Variants in LDAH observed in about 807,000 individuals in gnomAD.
LDAH encodes lipid droplet associated hydrolase.
A neutral mutation model predicts 29.6 loss-of-function variants in LDAH; 26 were observed. That is an observed-to-expected ratio of 0.88 (90% confidence interval 0.64 to 1.22). LDAH has a LOEUF of 1.22. Ranked by LOEUF, LDAH falls within the 50% of genes most tolerant of loss-of-function variation. The probability of loss-of-function intolerance (pLI) is 0.00; values close to 1 mark genes in which losing one functional copy is unlikely to be tolerated. For missense variants in LDAH, 344 were observed against 387.3 expected (o/e 0.89, Z 0.94); for synonymous variants, 117 against 133.0 (o/e 0.88, Z 0.83).
At chr2:20,705,525 G>A (rs1300831669) in intron 5 of LDAH, among the ~76,000 whole-genome samples, 2 of 152,078 alleles carry the variant, frequency 1.3e-5, no homozygotes, top group African/African-American at 2.4e-5. Context: ...CCTACTAGTA[G>A]GGTATTGGCT....
intron 5 of LDAH, among the ~76,000 whole-genome samples, chr2:20,714,936 C>T (rs577352780): frequency 1.1e-3 from 172 of 152,196 alleles, no homozygotes; most frequent in African/African-American, 3.4e-3. Flanking sequence ...GATTCATAGC[C>T]GAATTCTACC....
chr2:20,821,709 T>C (rs978206491), intron 1 of LDAH, among the ~76,000 whole-genome samples: 2 of 152,132 alleles, frequency 1.3e-5, no homozygotes, highest in South Asian at 2.1e-4. Context: ...GGCACATGTA[T>C]ACATATGTAA....
At chr2:20,706,585 C>A (rs1187092647) in intron 5 of LDAH, among the ~76,000 whole-genome samples, 2 of 151,914 alleles carry the variant, frequency 1.3e-5, no homozygotes, top group Non-Finnish European at 1.5e-5. Flanking sequence ...GTTATTGGTT[C>A]CCAAAAATCT....
At chr2:20,778,969 A>AAT (rs1322531220) in intron 3 of LDAH, among the ~76,000 whole-genome samples, 1 of 151,868 alleles carries the variant, frequency 6.6e-6, no homozygotes, top group Non-Finnish European at 1.5e-5. Flanking sequence ...TAAATGTATA[A>AAT]GTTCAACTAT....
intron 5 of LDAH, among the ~76,000 whole-genome samples, chr2:20,732,117 T>C (rs1387127485): frequency 2.6e-5 from 4 of 152,162 alleles, no homozygotes; most frequent in Non-Finnish European, 5.9e-5. Flanking sequence ...TATTTTTTTT[T>C]CCCTGCATCG....
chr2:20,695,863 G>A (rs1663427153), intron 6 of LDAH, among the ~76,000 whole-genome samples: 1 of 152,192 alleles, frequency 6.6e-6, no homozygotes, highest in African/African-American at 2.4e-5. Context: ...AGGAGGCACA[G>A]TGAGGTCCGG....
At chr2:20,807,473 C>T (rs565291403) in intron 1 of LDAH, among the ~76,000 whole-genome samples, 1 of 152,040 alleles carries the variant, frequency 6.6e-6, no homozygotes, top group African/African-American at 2.4e-5. Flanking sequence ...AAATCTAGTG[C>T]TATACAAAAG....
chr2:20,815,332 T>C (rs993431905), intron 1 of LDAH, among the ~76,000 whole-genome samples: 8 of 151,638 alleles, frequency 5.3e-5, no homozygotes, highest in Admixed American at 1.3e-4. Context: ...CAATCAGAGT[T>C]TTAGAGGAAG....
intron 3 of LDAH, among the ~76,000 whole-genome samples, chr2:20,781,914 A>G (rs1670219610): frequency 6.6e-6 from 1 of 152,236 alleles, no homozygotes; most frequent in Non-Finnish European, 1.5e-5. Context: ...TTACTAAGTT[A>G]TTAACTCAAT....
intron 4 of LDAH, 70 bp downstream of exon 4, chr2:20,774,740 A>G (rs1669673656): frequency 1.4e-6 from 2 of 1,454,132 alleles, no homozygotes; most frequent in African/African-American, 1.4e-5. Flanking sequence ...AAAAGAACAT[A>G]GGAAAGGTGA....
intron 4 of LDAH, 93 bp downstream of exon 4, chr2:20,774,717 C>G: frequency 7.9e-7 from 1 of 1,272,212 alleles, no homozygotes; most frequent in East Asian, 2.3e-5. Context: ...TATTTATCAA[C>G]TGAACAAGAG....
chr2:20,819,874 C>G (rs953255579), intron 1 of LDAH, among the ~76,000 whole-genome samples: 1 of 152,226 alleles, frequency 6.6e-6, no homozygotes, highest in Admixed American at 6.5e-5. Flanking sequence ...CCCATCGTCT[C>G]AGCCCAAAAT....
At chr2:20,765,461 A>C (rs752948126) in intron 4 of LDAH, among the ~76,000 whole-genome samples, 4 of 152,240 alleles carry the variant, frequency 2.6e-5, no homozygotes, top group Non-Finnish European at 5.9e-5. Context: ...CATTTGTTAC[A>C]TTCAACCCTG....
chr2:20,738,744 GA>G (rs2149439522), intron 5 of LDAH, among the ~76,000 whole-genome samples: 1 of 128,818 alleles, frequency 7.8e-6, no homozygotes, highest in East Asian at 2.5e-4. Context: ...AAATTGGAGG[GA>G]AAATGGAAGG....
At chr2:20,699,918 C>T (rs928637867) in intron 6 of LDAH, among the ~76,000 whole-genome samples, 1 of 152,206 alleles carries the variant, frequency 6.6e-6, no homozygotes, top group Non-Finnish European at 1.5e-5. Context: ...GCACAACACA[C>T]AAGCTGAATC....
chr2:20,735,991 A>G (rs1289832140), intron 5 of LDAH, among the ~76,000 whole-genome samples: 1 of 152,024 alleles, frequency 6.6e-6, no homozygotes, highest in Non-Finnish European at 1.5e-5. Context: ...CTCTCTACTC[A>G]GCCTCTTCTG....
intron 4 of LDAH, among the ~76,000 whole-genome samples, chr2:20,762,872 C>T (rs1039970728): frequency 3.3e-5 from 5 of 152,162 alleles, no homozygotes; most frequent in African/African-American, 7.2e-5. Context: ...TACAATGCCA[C>T]GTAAACAACT....
chr2:20,800,617 ATTT>A (rs1211391236), intron 2 of LDAH, among the ~76,000 whole-genome samples: 1 of 135,660 alleles, frequency 7.4e-6, no homozygotes, highest in Non-Finnish European at 1.6e-5. Flanking sequence ...TTTAATTTTT[ATTT>A]TTTTATTTTT....
intron 5 of LDAH, among the ~76,000 whole-genome samples, chr2:20,702,802 TTG>T (rs1243595535): frequency 6.6e-6 from 1 of 152,328 alleles, no homozygotes; most frequent in Admixed American, 6.5e-5. Context: ...TCCATCCCTG[TTG>T]CTTCAACCAT....
Sources: allele counts gnomAD v4.1 joint callset (sites outside exome capture counted in the v4.1 genomes callset), GRCh38; gene constraint gnomAD v4.1.1; transcripts MANE v1.5; gene names NCBI Gene and HGNC (gene_info 2026-07-23, HGNC 2026-07-21).